Variants in USP39 observed in about 807,000 individuals in gnomAD.
The protein encoded by USP39 is ubiquitin specific peptidase 39.
In USP39, 38 loss-of-function variants were observed where a neutral mutation model predicts 66.4. The observed-to-expected ratio is 0.57, with a 90% confidence interval of 0.44 to 0.75. USP39 has a LOEUF of 0.75. Among genes scored for constraint, USP39 ranks in the 30% least tolerant of loss-of-function variants. USP39 has a pLI of 0.00. For synonymous variants in USP39, 303 were observed against 274.6 expected (o/e 1.10, Z -1.02); for missense variants, 608 against 714.4 (o/e 0.85, Z 1.70).
At chr2:85,627,094 G>A (rs1017372615) in intron 5 of USP39, among the ~76,000 whole-genome samples, 12 of 151,386 alleles carry the variant, frequency 7.9e-5, no homozygotes, top group African/African-American at 2.9e-4. Context: ...ATGAGTAATA[G>A]GTGCATACTG....
chr2:85,628,846 C>T (rs189320961), intron 5 of USP39, among the ~76,000 whole-genome samples: 136 of 152,108 alleles, frequency 8.9e-4, no homozygotes, highest in East Asian at 2.9e-3. Flanking sequence ...TTCCTAATCC[C>T]CTCTGTGGTT....
chr2:85,625,414 C>G, intron 4 of USP39, 125 bp from the exon 5 acceptor site: 1 of 1,269,872 alleles, frequency 7.9e-7, no homozygotes, highest in South Asian at 1.3e-5. Context: ...CTGGTTCGGA[C>G]TATTTTTCTG....
intron 3 of USP39, 47 bp downstream of exon 3, chr2:85,621,626 T>G (rs771724276): frequency 2.8e-6 from 1 of 354,622 alleles, no homozygotes; most frequent in Admixed American, 1.8e-4. Context: ...CAGAGGGACT[T>G]TTTTTTTTTT....
chr2:85,627,545 C>T (rs1218891196), intron 5 of USP39, among the ~76,000 whole-genome samples: 1 of 151,864 alleles, frequency 6.6e-6, no homozygotes, highest in Non-Finnish European at 1.5e-5. Context: ...AATCCCAGCA[C>T]TTTGGGAGGC....
At position 85,649,241 on chromosome 2, in the gene USP39, T is replaced by G. The variant is rs934782053; in HGVS notation, c.*433T>G. 6.2e-6 allele frequency: 1 copy of G among 160,684 alleles called. No individual in the cohort carries two copies. The highest frequency in any genetic ancestry group is 6.4e-5 in the Admixed American group (1 of 15,578). 10.0% of individuals were successfully genotyped at this position (160,684 alleles called of 1,614,324 possible). A position where few individuals can be genotyped will look rare whatever the true frequency, so the allele number is the denominator to read the frequency against. The stretch of plus-strand genomic sequence containing the variant: ...CCTATGGTTCCCCCCATTTCCTGAT[T>G]TGTATTTTTAGATGGATTAAATAGT... On this transcript the variant is annotated 3_prime_UTR_variant, in exon 13 of 13. Transcript: ENST00000323701.
chr2:85,609,674 AG>A, upstream of USP39: 1 of 1,515,208 alleles, frequency 6.6e-7, no homozygotes, highest in Non-Finnish European at 9.0e-7. Context: ...ATATACGGTT[AG>A]GAAAGCCCCA....
At position 85,616,422 on chromosome 2, in the gene USP39, G is replaced by T; in HGVS notation, c.227G>T (p.Arg76Leu). 6.3e-7 allele frequency: 1 copy of T among 1,593,650 alleles called. No individual in the cohort carries two copies. Among genetic ancestry groups the T allele is most frequent in the Non-Finnish European group, 8.6e-7 (1 of 1,168,356 alleles). ...VVPFVRVKREREVDEDSEPER... is the reference protein window; with the variant it reads ...VVPFVRVKRELEVDEDSEPER... ...CCGTTTGTGCGGGTGAAGCGGGAGCGCGAGGTCGATGAGGACTCGGAGCCT... is the reference window on the plus strand; with the variant it reads ...CCGTTTGTGCGGGTGAAGCGGGAGCTCGAGGTCGATGAGGACTCGGAGCCT... Residue 76 changes from arginine (R) to leucine (L), a missense_variant, in exon 1 of 13, where the codon CGC (arginine) becomes CTC (leucine). Physicochemically the swap from Arg to Leu is moderately radical, Grantham distance 102. Transcript: ENST00000323701.
chr2:85,609,445 A>G (rs1673360733), upstream of USP39: 4 of 1,614,108 alleles, frequency 2.5e-6, no homozygotes, highest in African/African-American at 5.3e-5. Context: ...CTGATAGACG[A>G]TAACTGATGT....
intron 2 of USP39, among the ~76,000 whole-genome samples, chr2:85,620,235 C>A (rs1268225591): frequency 2.0e-5 from 3 of 151,820 alleles, no homozygotes; most frequent in African/African-American, 4.8e-5. Flanking sequence ...AATCCCAGCA[C>A]TTTGGGAGGC....
intron 8 of USP39, 87 bp downstream of exon 8, chr2:85,637,523 A>G: frequency 6.9e-7 from 1 of 1,441,816 alleles, no homozygotes; most frequent in East Asian, 2.3e-5. Flanking sequence ...AGAACTGACA[A>G]GCCTGCTTGC....
upstream of USP39, chr2:85,609,021 G>A (rs746372773): frequency 4.3e-6 from 7 of 1,614,252 alleles, no homozygotes; most frequent in Non-Finnish European, 5.9e-6. Flanking sequence ...TGGATCCAGA[G>A]GCGTGTGTGC....
chr2:85,615,582 G>C (rs1306333533), upstream of USP39, among the ~76,000 whole-genome samples: 2 of 152,132 alleles, frequency 1.3e-5, no homozygotes, highest in Non-Finnish European at 2.9e-5. Context: ...CGGAGACTGT[G>C]GGAAACGACC....
At chr2:85,635,412 T>A (rs528095035) in intron 6 of USP39, among the ~76,000 whole-genome samples, 5 of 152,144 alleles carry the variant, frequency 3.3e-5, no homozygotes, top group Admixed American at 6.5e-5. Flanking sequence ...ATACAAAAAT[T>A]AGCTGGGCAT....
chr2:85,619,978 C>T (rs1674330822), intron 2 of USP39, among the ~76,000 whole-genome samples: 1 of 151,994 alleles, frequency 6.6e-6, no homozygotes, highest in Non-Finnish European at 1.5e-5. Flanking sequence ...CCTCAGCTTC[C>T]TGAGTAGCTG....
At chr2:85,629,438 C>T (rs1315544529) in intron 5 of USP39, among the ~76,000 whole-genome samples, 1 of 151,968 alleles carries the variant, frequency 6.6e-6, no homozygotes, top group Non-Finnish European at 1.5e-5. Context: ...TTTTATCTTT[C>T]TGCTTAATGA....
intron 2 of USP39, 55 bp downstream of exon 2, chr2:85,619,344 A>G: frequency 6.3e-7 from 1 of 1,580,752 alleles, no homozygotes; most frequent in South Asian, 1.1e-5. Context: ...TCTGTGCAGA[A>G]AGTTTTTGGA....
At chr2:85,633,053 A>AG (rs1252760426) in intron 6 of USP39, among the ~76,000 whole-genome samples, 1 of 151,016 alleles carries the variant, frequency 6.6e-6, no homozygotes, top group Non-Finnish European at 1.5e-5. Context: ...GGGAGGGACC[A>AG]GATGGCCTGC....
upstream of USP39, among the ~76,000 whole-genome samples, chr2:85,614,401 C>A (rs1392930678): frequency 6.6e-6 from 1 of 152,038 alleles, no homozygotes; most frequent in African/African-American, 2.4e-5. Context: ...GTAATCCCAG[C>A]TACTCAGGAG....
At chr2:85,641,923 A>G (rs1420125125) in intron 10 of USP39, among the ~76,000 whole-genome samples, 1 of 149,670 alleles carries the variant, frequency 6.7e-6, no homozygotes, top group Non-Finnish European at 1.5e-5. Context: ...AAAAAAAAAA[A>G]AAAAAAGAAA....
Sources: allele counts gnomAD v4.1 joint callset (sites outside exome capture counted in the v4.1 genomes callset), GRCh38; gene constraint gnomAD v4.1.1; transcripts MANE v1.5; gene names NCBI Gene and HGNC (gene_info 2026-07-23, HGNC 2026-07-21).